PARD3: variants seen among roughly 807,000 people sequenced by gnomAD.
PARD3 encodes the protein partitioning defective 3 homolog.
Under a neutral mutation model 155.4 loss-of-function variants are expected in PARD3, and 75 were observed. That is an observed-to-expected ratio of 0.48 (90% CI 0.40 to 0.58). The LOEUF (loss-of-function observed/expected upper bound fraction) is 0.58, where lower values mean the gene tolerates loss of function less well. Ranked by LOEUF, PARD3 falls within the 20% of genes least tolerant of loss-of-function variation. The pLI, the probability that PARD3 is intolerant of heterozygous loss-of-function variation, is 0.00. For synonymous variants in PARD3, 576 were observed against 610.5 expected (o/e 0.94, Z 0.83); for missense variants, 1,642 against 1,721.7 (o/e 0.95, Z 0.82).
At chr10:34,804,858 C>T (rs367595868) in intron 1 of PARD3, among the ~76,000 whole-genome samples, 3 of 152,086 alleles carry the variant, frequency 2.0e-5, no homozygotes, top group African/African-American at 4.8e-5. Context: ...AACAACACTC[C>T]TTTCTTTGTG....
At chr10:34,469,092 G>C (rs1358210529) in intron 4 of PARD3, among the ~76,000 whole-genome samples, 6 of 152,054 alleles carry the variant, frequency 3.9e-5, no homozygotes, top group Non-Finnish European at 8.8e-5. Context: ...GAACAATAAG[G>C]GTTCTGACAA....
chr10:34,569,830 CAATGAAGATTAAAG>C (rs1379593478), intron 2 of PARD3, among the ~76,000 whole-genome samples: 6 of 144,748 alleles, frequency 4.1e-5, no homozygotes, highest in Non-Finnish European at 7.5e-5. Context: ...AAGTCATTCA[CAATGAAGATTAAAG>C]AATGAAGATT....
At chr10:34,564,435 A>T (rs1308967265) in intron 2 of PARD3, among the ~76,000 whole-genome samples, 2 of 152,120 alleles carry the variant, frequency 1.3e-5, no homozygotes, top group Non-Finnish European at 2.9e-5. Context: ...ATTTCATTCC[A>T]TTTCAGGATT....
intron 14 of PARD3, among the ~76,000 whole-genome samples, chr10:34,356,334 G>A (rs1838873185): frequency 6.6e-6 from 1 of 152,122 alleles, no homozygotes; most frequent in South Asian, 2.1e-4. Flanking sequence ...AGGAGTTGGA[G>A]AACAGCCTGG....
rs754681832 is a variant in PARD3, at chr10:34,337,430, G to C, written c.2409-4C>G. On this transcript the variant is annotated splice_polypyrimidine_tract_variant and splice_region_variant and intron_variant, in intron 16 of 24. Transcript: ENST00000374788. ...ATCAACATCTGGACTCAAAGAGCTG[G>C]AGTGAAGAAAAAATAAAAATAAAAA... The C allele has an allele frequency of 3.3e-6, 5 of 1,537,192 alleles. No individual in the cohort carries two copies. In the African/African-American group the frequency reaches 7.1e-5, roughly 22 times the overall value.
chr10:34,794,151 G>A (rs1841992238), intron 1 of PARD3, among the ~76,000 whole-genome samples: 1 of 152,094 alleles, frequency 6.6e-6, no homozygotes, highest in African/African-American at 2.4e-5. Flanking sequence ...ATCACAAGGG[G>A]ACAAGGGTTT....
chr10:34,585,325 TATG>T (rs750786373), intron 2 of PARD3, among the ~76,000 whole-genome samples: 50 of 152,312 alleles, frequency 3.3e-4, no homozygotes, highest in Non-Finnish European at 6.0e-4. Context: ...CAGGTTTTTG[TATG>T]ATGATTACTA....
At chr10:34,130,475 TA>T (rs747550511) in intron 23 of PARD3, among the ~76,000 whole-genome samples, 9 of 152,206 alleles carry the variant, frequency 5.9e-5, no homozygotes, top group African/African-American at 7.2e-5. Context: ...GACTTCCTAA[TA>T]CCCCATGCTA....
At chr10:34,569,189 G>C (rs1468393434) in intron 2 of PARD3, among the ~76,000 whole-genome samples, 1 of 152,122 alleles carries the variant, frequency 6.6e-6, no homozygotes, top group Admixed American at 6.6e-5. Flanking sequence ...TTGCATTAAG[G>C]TTCAAACATC....
chr10:34,136,477 T>C (rs1947903754), intron 22 of PARD3, among the ~76,000 whole-genome samples: 1 of 152,048 alleles, frequency 6.6e-6, no homozygotes, highest in Non-Finnish European at 1.5e-5. Context: ...CAGAATTCAA[T>C]GGAAAGGAGA....
chr10:34,152,206 TA>T (rs34255415), intron 22 of PARD3, among the ~76,000 whole-genome samples: 5 of 151,668 alleles, frequency 3.3e-5, no homozygotes, highest in African/African-American at 9.7e-5. Context: ...AGCAGAGACT[TA>T]AAAAAAAATT....
At chr10:34,590,617 C>T (rs2088590409) in intron 2 of PARD3, among the ~76,000 whole-genome samples, 1 of 152,244 alleles carries the variant, frequency 6.6e-6, no homozygotes, top group Non-Finnish European at 1.5e-5. Context: ...GGAGAGGTCA[C>T]GTTCAAAGGT....
intron 3 of PARD3, among the ~76,000 whole-genome samples, chr10:34,481,490 T>C (rs2079080299): frequency 6.6e-6 from 1 of 152,172 alleles, no homozygotes; most frequent in Admixed American, 6.5e-5. Context: ...CATAAAAACG[T>C]GGTATCCCCA....
intron 22 of PARD3, among the ~76,000 whole-genome samples, chr10:34,158,835 ATG>A (rs1469184565): frequency 6.6e-6 from 1 of 152,212 alleles, no homozygotes; most frequent in Non-Finnish European, 1.5e-5. Context: ...AAAGAGCCAA[ATG>A]TGGCTGTGAC....
At chr10:34,788,290 G>C (rs1841230479) in intron 1 of PARD3, among the ~76,000 whole-genome samples, 1 of 152,058 alleles carries the variant, frequency 6.6e-6, no homozygotes, top group African/African-American at 2.4e-5. Context: ...CACTTTGTGT[G>C]TCACCCAGAA....
intron 22 of PARD3, among the ~76,000 whole-genome samples, chr10:34,226,541 CTT>C (rs1376187223): frequency 2.0e-5 from 3 of 152,132 alleles, no homozygotes; most frequent in Non-Finnish European, 4.4e-5. Context: ...AAGAGCGAAA[CTT>C]TGTCTCAAAA....
At chr10:34,218,197 C>T (rs1012729772) in intron 22 of PARD3, among the ~76,000 whole-genome samples, 1 of 152,180 alleles carries the variant, frequency 6.6e-6, no homozygotes, top group Non-Finnish European at 1.5e-5. Context: ...CAGGACTTCT[C>T]AACCCATTAG....
At position 34,284,261 on chromosome 10, in the gene PARD3, A is replaced by C. The variant is rs1343602757; in HGVS notation, c.3066-16T>G. The stretch of plus-strand genomic sequence containing the variant: ...TTTGCCAAACCTGTTAATAACAAAA[A>C]ATTCTAACTTGTCAATATATACAAA... On this transcript the variant is annotated splice_polypyrimidine_tract_variant and intron_variant, in intron 20 of 24. Coordinates refer to ENST00000374788, the MANE Select transcript of PARD3 (RefSeq NM_001184785.2). The C allele has an allele frequency of 2.7e-6, 4 of 1,463,364 alleles. No homozygotes were observed. Among genetic ancestry groups the C allele is most frequent in the Non-Finnish European group, 3.8e-6 (4 of 1,050,440 alleles). 90.6% of individuals were successfully genotyped at this position (1,463,364 alleles called of 1,614,324 possible).
intron 24 of PARD3, among the ~76,000 whole-genome samples, chr10:34,113,086 A>G (rs1946473281): frequency 6.6e-6 from 1 of 152,256 alleles, no homozygotes; most frequent in African/African-American, 2.4e-5. Context: ...AACTTTAATT[A>G]AAACAAGGAA....
Sources: allele counts gnomAD v4.1 joint callset (sites outside exome capture counted in the v4.1 genomes callset), GRCh38; gene constraint gnomAD v4.1.1; transcripts MANE v1.5; gene names NCBI Gene and HGNC (gene_info 2026-07-23, HGNC 2026-07-21).